The following MAP3K4 variants were observed in gnomAD, a reference collection of about 807,000 sequenced individuals.
MAP3K4 encodes MAP three kinase 1.
MAP3K4 carries 67 observed loss-of-function variants against 185.6 expected under a neutral mutation model. The observed-to-expected ratio is 0.36, with a 90% CI of 0.30 to 0.44. MAP3K4 has a LOEUF of 0.44. Among genes scored for constraint, MAP3K4 ranks in the 20% least tolerant of loss-of-function variants. The pLI is 1.00. For synonymous variants in MAP3K4, 702 were observed against 710.4 expected (o/e 0.99, Z 0.19); for missense variants, 1,551 against 1,995.1 (o/e 0.78, Z 4.24).
intron 23 of MAP3K4, among the ~76,000 whole-genome samples, chr6:161,111,192 T>C (rs1187822895): frequency 6.6e-6 from 1 of 152,162 alleles, no homozygotes; most frequent in East Asian, 1.9e-4. Context: ...TGTTGTTGCT[T>C]TTCGAAGGAG....
intron 2 of MAP3K4, among the ~76,000 whole-genome samples, chr6:161,039,245 C>T (rs1204901383): frequency 8.1e-6 from 1 of 123,756 alleles, no homozygotes; most frequent in Non-Finnish European, 1.6e-5. Flanking sequence ...GTCATACTGT[C>T]TTTGCTTCCC....
chr6:161,091,267 T>G lies in MAP3K4; in HGVS notation c.2974-112T>G. The G allele has an allele frequency of 1.4e-6, 1 of 731,846 alleles. No homozygotes were observed. The highest frequency in any genetic ancestry group is 2.1e-6 in the Non-Finnish European group (1 of 467,660). The allele number at this position is 731,846 out of a possible 1,614,324, so 45.3% of individuals were successfully genotyped here. On this transcript the variant is annotated intron_variant, in intron 11 of 26. Coordinates refer to ENST00000392142, the MANE Select transcript of MAP3K4 (RefSeq NM_005922.4). The surrounding 1 kb of genome is among the most constrained non-coding windows in gnomAD (Gnocchi z 5.5). ...GTAATTCCTTTACCAAGTGGCTGAA[T>G]TGTTTGTAGTGGTTAATGTCTGTGT...
At chr6:161,013,923 G>A (rs994583397) in intron 1 of MAP3K4, among the ~76,000 whole-genome samples, 36 of 152,324 alleles carry the variant, frequency 2.4e-4, no homozygotes, top group African/African-American at 8.7e-4. Context: ...CGTGTCTTAT[G>A]GAAAGCAGAT....
chr6:161,045,282 C>G (rs530183671), intron 2 of MAP3K4, among the ~76,000 whole-genome samples: 1 of 152,238 alleles, frequency 6.6e-6, no homozygotes, highest in East Asian at 1.9e-4. Flanking sequence ...ATTTGCTTTT[C>G]CTTAAACCTA....
intron 1 of MAP3K4, among the ~76,000 whole-genome samples, chr6:161,004,931 G>A (rs1781503494): frequency 6.6e-6 from 1 of 152,120 alleles, no homozygotes; most frequent in South Asian, 2.1e-4. Context: ...ATAAACATTT[G>A]ACGTTGAAAC....
chr6:161,068,170 G>A (rs1250266543), intron 3 of MAP3K4, among the ~76,000 whole-genome samples: 1 of 152,128 alleles, frequency 6.6e-6, no homozygotes, highest in Non-Finnish European at 1.5e-5. Flanking sequence ...GGAACTGATG[G>A]TCTAATGGGT....
At chr6:161,029,838 G>T (rs1782838871) in intron 1 of MAP3K4, among the ~76,000 whole-genome samples, 1 of 151,552 alleles carries the variant, frequency 6.6e-6, no homozygotes. Flanking sequence ...TTGTGTATAA[G>T]TGTTTTGTTT....
At chr6:161,041,651 C>T (rs1783458264) in intron 2 of MAP3K4, among the ~76,000 whole-genome samples, 1 of 152,194 alleles carries the variant, frequency 6.6e-6, no homozygotes, top group South Asian at 2.1e-4. Flanking sequence ...TCGGACATGG[C>T]CCCCAGGTGC....
chr6:161,024,384 G>A (rs73024064), intron 1 of MAP3K4, among the ~76,000 whole-genome samples: 35 of 151,888 alleles, frequency 2.3e-4, no homozygotes, highest in African/African-American at 2.9e-4. Context: ...TATTTGTCAC[G>A]ACTAATGAAC....
intron 1 of MAP3K4, among the ~76,000 whole-genome samples, chr6:161,012,964 C>G (rs539014262): frequency 2.1e-4 from 32 of 152,264 alleles, no homozygotes; most frequent in African/African-American, 7.2e-4. Context: ...CCAGTTTCTT[C>G]TTCTAGACAA....
At chr6:161,094,944 A>G (rs1456044400) in intron 15 of MAP3K4, among the ~76,000 whole-genome samples, 1 of 152,248 alleles carries the variant, frequency 6.6e-6, no homozygotes, top group African/African-American at 2.4e-5. Context: ...AATCATTTTC[A>G]TTGTGGAAAA....
intron 1 of MAP3K4, among the ~76,000 whole-genome samples, chr6:161,011,597 A>G (rs1257238106): frequency 2.6e-5 from 4 of 152,224 alleles, no homozygotes; most frequent in African/African-American, 9.6e-5. Flanking sequence ...AATGCCAGAA[A>G]CCGTCATGAA....
chr6:161,092,218 A>T (rs1490174677), intron 13 of MAP3K4, 75 bp downstream of exon 13: 11 of 1,530,356 alleles, frequency 7.2e-6, no homozygotes, highest in Non-Finnish European at 9.8e-6. Flanking sequence ...GTTCTGTGGG[A>T]TTCTTTTTGA....
chr6:160,994,902 A>G (rs1018465248), intron 1 of MAP3K4, among the ~76,000 whole-genome samples: 2 of 152,224 alleles, frequency 1.3e-5, no homozygotes, highest in East Asian at 1.9e-4. Flanking sequence ...GGTTTCACCA[A>G]GTTGGTCAGG....
intron 3 of MAP3K4, among the ~76,000 whole-genome samples, chr6:161,068,108 G>A (rs201159206): frequency 2.4e-4 from 36 of 152,238 alleles, no homozygotes; most frequent in African/African-American, 7.2e-4. Flanking sequence ...GGCAAGTACC[G>A]AGCTAAGTTT....
chr6:161,036,379 T>C (rs1042520837), intron 2 of MAP3K4, among the ~76,000 whole-genome samples: 2 of 152,102 alleles, frequency 1.3e-5, no homozygotes, highest in African/African-American at 4.8e-5. Context: ...TGCAAAAGAT[T>C]ATGTGTTTGT....
At position 161,102,728 on chromosome 6, in the gene MAP3K4, G is replaced by A; in HGVS notation, c.3805G>A (p.Gly1269Arg). ...AGCATATCCAAGAGGAGATTCAAGT[G>A]GGTCCACAAGAAGAAGTTGGGAACT... Reference protein sequence around the residue: ...EPAYPRGDSSGSTRRSWELRT... With the variant: ...EPAYPRGDSSRSTRRSWELRT... The change falls in exon 19 of 27, where the codon GGG becomes AGG. Residue 1269 changes from glycine to arginine, a missense_variant. By Grantham distance (125) the Gly-to-Arg change is moderately radical (BLOSUM62 -2). This residue lies in a region of MAP3K4 where 272 missense variants were observed against 301.2 expected (regional missense o/e 0.90). Transcript: ENST00000392142. 1 of 1,600,446 alleles carries A rather than the reference G, an allele frequency of 6.2e-7. No individual in the cohort carries two copies. Among genetic ancestry groups the A allele is most frequent in the South Asian group, 1.1e-5 (1 of 87,506 alleles).
At chr6:161,105,427 G>A (rs1285947768) in intron 19 of MAP3K4, among the ~76,000 whole-genome samples, 3 of 152,206 alleles carry the variant, frequency 2.0e-5, no homozygotes, top group East Asian at 1.9e-4. Context: ...GGTTTTTAAT[G>A]TGTGAGGAAG....
In MAP3K4 at chr6:161,037,101, C is replaced by G. The variant is rs1170040888; in HGVS notation, c.343+2652C>G. Among the ~76,000 whole-genome samples the G allele has an allele frequency of 6.6e-6, 1 of 152,128 alleles. No individual in the cohort carries two copies. The highest frequency in any genetic ancestry group is 1.5e-5 in the Non-Finnish European group (1 of 68,038). On this transcript the variant is annotated intron_variant, in intron 2 of 26. Coordinates refer to ENST00000392142, the MANE Select transcript of MAP3K4 (RefSeq NM_005922.4). This position sits in a 1 kb window ranked among gnomAD's most constrained non-coding sequence, Gnocchi z 4.2. Reference sequence around the variant, plus strand: ...TGGTGAACTATTTCTTGCGGACATTCTTGTTTATGAATACCAAGACAAGGT... The same window carrying G: ...TGGTGAACTATTTCTTGCGGACATTGTTGTTTATGAATACCAAGACAAGGT...
Sources: gnomAD v4.1 joint callset for allele counts (sites outside exome capture counted in the v4.1 genomes callset) on GRCh38, gnomAD v4.1.1 for gene constraint, gnomAD v4.1.1 regional missense constraint, Gnocchi (gnomAD v3.1) non-coding constraint, MANE v1.5 for transcripts, NCBI Gene and HGNC (gene_info 2026-07-23, HGNC 2026-07-21) for gene names.